Variants in TAF2 observed in about 807,000 individuals in gnomAD.
TAF2 encodes transcription initiation factor TFIID subunit 2.
A neutral mutation model predicts 138.5 loss-of-function variants in TAF2; 61 were observed. The observed-to-expected ratio is 0.44, with a 90% CI of 0.36 to 0.54. TAF2 has a LOEUF of 0.54. Among genes scored for constraint, TAF2 ranks in the 20% least tolerant of loss-of-function variants. TAF2 has a pLI of 0.00. For missense variants in TAF2, 1,090 were observed against 1,427.9 expected (o/e 0.76, Z 3.81); for synonymous variants, 475 against 469.9 (o/e 1.01, Z -0.14).
In TAF2 at chr8:119,814,689, C is replaced by T. The variant is rs1313863499; in HGVS notation, c.299+4657G>A. ...CAGGCGGATCACGAGGTCAGGAGTT[C>T]GAGACCAGCTGGGCCAATGTGGTGA... On this transcript the variant is annotated intron_variant, in intron 3 of 25. Transcript: ENST00000378164. 3.9e-4 allele frequency among the ~76,000 whole-genome samples: 52 copies of T among 133,498 alleles called. 1 individual carries two copies. The highest frequency in any genetic ancestry group is 1.4e-3 in the African/African-American group (49 of 34,144). The allele number at this position is 133,498 out of a possible 152,430, so 87.6% of individuals were successfully genotyped here.
intron 22 of TAF2, among the ~76,000 whole-genome samples, chr8:119,748,860 ATCTC>A (rs529322534): frequency 4.1e-4 from 62 of 152,128 alleles, no homozygotes; most frequent in Non-Finnish European, 6.5e-4. Flanking sequence ...CTGGCCCTGT[ATCTC>A]TCTATCCATG....
At chr8:119,749,337 A>C (rs2131018283) in intron 22 of TAF2, among the ~76,000 whole-genome samples, 1 of 152,238 alleles carries the variant, frequency 6.6e-6, no homozygotes, top group East Asian at 1.9e-4. Context: ...TTCCTAAGGG[A>C]GGTTCTTGAT....
intron 3 of TAF2, among the ~76,000 whole-genome samples, chr8:119,817,701 A>G (rs965800417): frequency 2.0e-5 from 3 of 152,190 alleles, no homozygotes; most frequent in Non-Finnish European, 2.9e-5. Context: ...ATGTACAGAC[A>G]CTGTCTTTTG....
intron 8 of TAF2, 147 bp from the exon 9 acceptor site, chr8:119,795,778 C>T: frequency 1.3e-6 from 1 of 789,068 alleles, no homozygotes; most frequent in Non-Finnish European, 2.1e-6. Flanking sequence ...GGTTTCCCAA[C>T]TTCCTCTGAG....
chr8:119,832,555 T>G lies in TAF2; in HGVS notation c.10A>C (p.Thr4Pro). 1 of 1,613,256 alleles carries G rather than the reference T, an allele frequency of 6.2e-7. No homozygotes were observed. The highest frequency in any genetic ancestry group is 8.5e-7 in the Non-Finnish European group (1 of 1,180,006). Residue 4 changes from threonine (T) to proline (P), a missense_variant, in exon 1 of 26, where the codon ACT becomes CCT. Thr to Pro is a conservative substitution (Grantham distance 38). Transcript: ENST00000378164. MPL[T>P]GVEPARMNRK... is the part of the protein sequence containing the mutation. ...TTCATTCTGGCGGGCTCTACACCAG[T>G]CAGCGGCATGAAGCGGTCCCGCGGA...
chr8:119,734,820 T>C (rs1819112818), intron 25 of TAF2, among the ~76,000 whole-genome samples: 1 of 152,026 alleles, frequency 6.6e-6, no homozygotes, highest in Non-Finnish European at 1.5e-5. Flanking sequence ...GGCACTTAAA[T>C]TAGTTGGGGG....
At chr8:119,737,083 G>A (rs988098445) in intron 25 of TAF2, among the ~76,000 whole-genome samples, 14 of 152,130 alleles carry the variant, frequency 9.2e-5, no homozygotes, top group African/African-American at 3.4e-4. Context: ...GGAAATGTTA[G>A]ATTCAAAAAG....
chr8:119,735,382 C>A (rs1209538860), intron 25 of TAF2, among the ~76,000 whole-genome samples: 2 of 152,154 alleles, frequency 1.3e-5, no homozygotes, highest in East Asian at 3.9e-4. Context: ...GAACTTAGTC[C>A]AACTAAATAT....
chr8:119,744,870 G>A (rs1819849619), intron 23 of TAF2: 1 of 456,194 alleles, frequency 2.2e-6, no homozygotes, highest in South Asian at 1.5e-5. Flanking sequence ...GGTTTAACCT[G>A]TATTTCTTAC....
chr8:119,751,037 C>T (rs1414040911), intron 22 of TAF2, among the ~76,000 whole-genome samples: 1 of 152,034 alleles, frequency 6.6e-6, no homozygotes, highest in African/African-American at 2.4e-5. Context: ...TTAGGCAAGA[C>T]AAGCAAAAGT....
At position 119,795,494 on chromosome 8, in the gene TAF2, A is replaced by G. The variant is rs373437614; in HGVS notation, c.1191+38T>C. 3.5e-5 allele frequency: 53 copies of G among 1,526,358 alleles called. 1 individual carries two copies. Among genetic ancestry groups the G allele is most frequent in the Non-Finnish European group, 4.5e-5 (50 of 1,100,540 alleles). 94.6% of individuals were successfully genotyped at this position (1,526,358 alleles called of 1,614,324 possible). The stretch of plus-strand genomic sequence containing the variant: ...TACAGTCATTAAAAATGGAGGACAT[A>G]AGACTTGTAAGTGGATAAGGGATCT... On this transcript the variant is annotated intron_variant, in intron 9 of 25. Transcript: ENST00000378164.
chr8:119,792,863 G>A (rs925469900), intron 10 of TAF2, among the ~76,000 whole-genome samples: 3 of 152,124 alleles, frequency 2.0e-5, no homozygotes, highest in Non-Finnish European at 4.4e-5. Flanking sequence ...GCCCTCACCA[G>A]ACACCAATCC....
intron 3 of TAF2, among the ~76,000 whole-genome samples, chr8:119,816,581 G>A (rs1825492916): frequency 6.6e-6 from 1 of 152,098 alleles, no homozygotes; most frequent in Non-Finnish European, 1.5e-5. Context: ...ATTAAAGAAA[G>A]AAAGTTATTT....
intron 1 of TAF2, among the ~76,000 whole-genome samples, chr8:119,832,034 C>T (rs552625569): frequency 8.5e-5 from 13 of 152,138 alleles, no homozygotes; most frequent in Non-Finnish European, 1.3e-4. Flanking sequence ...TGGCACACGC[C>T]TGTAATCCCG....
chr8:119,814,389 T>A (rs1239192111), intron 3 of TAF2, among the ~76,000 whole-genome samples: 1 of 151,934 alleles, frequency 6.6e-6, no homozygotes, highest in Non-Finnish European at 1.5e-5. Context: ...ATTAATGAAA[T>A]AATTTTAAAC....
intron 12 of TAF2, 44 bp from the exon 13 acceptor site, chr8:119,788,948 T>A: frequency 2.4e-6 from 3 of 1,254,538 alleles, no homozygotes; most frequent in Non-Finnish European, 2.3e-6. Context: ...AACGAATATG[T>A]ACTAAACAAA....
chr8:119,780,297 C>T (rs979179933), intron 17 of TAF2, among the ~76,000 whole-genome samples: 1 of 152,152 alleles, frequency 6.6e-6, no homozygotes, highest in Non-Finnish European at 1.5e-5. Context: ...TTAATATAAG[C>T]ATAGCATAAA....
chr8:119,790,352 A>G (rs530927649), intron 11 of TAF2, among the ~76,000 whole-genome samples: 1 of 152,066 alleles, frequency 6.6e-6, no homozygotes, highest in Non-Finnish European at 1.5e-5. Flanking sequence ...AGATGAGAGG[A>G]TCCCTTGAGC....
intron 6 of TAF2, among the ~76,000 whole-genome samples, chr8:119,798,566 T>C (rs1021089151): frequency 2.0e-5 from 3 of 152,128 alleles, no homozygotes; most frequent in East Asian, 1.9e-4. Flanking sequence ...AGAAGTTTGA[T>C]AGGAAACTTT....
Sources: gnomAD v4.1 joint callset for allele counts (sites outside exome capture counted in the v4.1 genomes callset) on GRCh38, gnomAD v4.1.1 for gene constraint, MANE v1.5 for transcripts, NCBI Gene and HGNC (gene_info 2026-07-23, HGNC 2026-07-21) for gene names.